EYA1: variants seen among roughly 807,000 people sequenced by gnomAD.
EYA1 encodes the protein EYA transcriptional coactivator and phosphatase 1, also known as protein phosphatase EYA1.
A neutral mutation model predicts 82.0 loss-of-function variants in EYA1; 16 were observed. The observed-to-expected ratio is 0.20, with a 90% CI of 0.13 to 0.30. The LOEUF (loss-of-function observed/expected upper bound fraction) is 0.30, where lower values mean the gene tolerates loss of function less well. Ranked by LOEUF, EYA1 falls within the 10% of genes least tolerant of loss-of-function variation. The probability of loss-of-function intolerance (pLI) is 1.00; values close to 1 mark genes in which losing one functional copy is unlikely to be tolerated. For missense variants in EYA1, 633 were observed against 730.7 expected (o/e 0.87, Z 1.54); for synonymous variants, 261 against 264.4 (o/e 0.99, Z 0.12).
At chr8:71,397,207 A>G (rs1487267695) in intron 2 of EYA1, among the ~76,000 whole-genome samples, 6 of 152,146 alleles carry the variant, frequency 3.9e-5, no homozygotes, top group Admixed American at 2.0e-4. Flanking sequence ...GGGTTTCCTG[A>G]ATACAGCACA....
chr8:71,265,444 G>C (rs1041371127), intron 11 of EYA1, among the ~76,000 whole-genome samples: 1 of 152,108 alleles, frequency 6.6e-6, no homozygotes, highest in African/African-American at 2.4e-5. Flanking sequence ...TTTGTTTTTT[G>C]TTGAAAATGA....
upstream of EYA1, among the ~76,000 whole-genome samples, chr8:71,367,136 T>C (rs1827806268): frequency 6.6e-6 from 1 of 152,158 alleles, no homozygotes; most frequent in Admixed American, 6.5e-5. Flanking sequence ...AGGTTAATTA[T>C]TTTCCTAGAG....
At chr8:71,515,303 G>A (rs1352263931) in intron 2 of EYA1, among the ~76,000 whole-genome samples, 1 of 152,060 alleles carries the variant, frequency 6.6e-6, no homozygotes, top group Non-Finnish European at 1.5e-5. Context: ...AGGAATCCAA[G>A]TCATATGATC....
intron 2 of EYA1, among the ~76,000 whole-genome samples, chr8:71,427,866 A>AAAAATTAGCCTGGTGTGGTGG: frequency 6.6e-6 from 1 of 152,076 alleles, no homozygotes; most frequent in East Asian, 1.9e-4. Context: ...ACAAAAAATA[A>AAAAATTAGCCTGGTGTGGTGG]AAAATTAGCC....
chr8:71,458,834 T>C (rs1808153261), intron 2 of EYA1, among the ~76,000 whole-genome samples: 1 of 152,232 alleles, frequency 6.6e-6, no homozygotes, highest in Non-Finnish European at 1.5e-5. Context: ...AACGAGGCAA[T>C]TGGATTCTGC....
intron 2 of EYA1, among the ~76,000 whole-genome samples, chr8:71,388,225 A>G (rs1409828611): frequency 3.3e-5 from 5 of 152,150 alleles, no homozygotes; most frequent in Admixed American, 3.3e-4. Flanking sequence ...AGTGATCCCC[A>G]AGGTCTTATA....
intron 3 of EYA1, among the ~76,000 whole-genome samples, 185 bp downstream of exon 3, chr8:71,354,597 A>G (rs78376349): frequency 1.2e-4 from 18 of 152,352 alleles, no homozygotes; most frequent in African/African-American, 4.1e-4. Flanking sequence ...ACGCAATGTT[A>G]CAATAACTGG....
chr8:71,346,438 A>ATATATATATC (rs1467355062), intron 3 of EYA1, among the ~76,000 whole-genome samples: 1 of 139,008 alleles, frequency 7.2e-6, no homozygotes, highest in Non-Finnish European at 1.5e-5. Flanking sequence ...GTGAATATAT[A>ATATATATATC]TATATATATA....
chr8:71,287,275 A>C (rs1361220917), intron 9 of EYA1, among the ~76,000 whole-genome samples: 2 of 152,232 alleles, frequency 1.3e-5, no homozygotes, highest in African/African-American at 4.8e-5. Flanking sequence ...TCCCACAAAA[A>C]ACTTTTGTAA....
At chr8:71,342,621 A>G (rs1825265181) in intron 3 of EYA1, among the ~76,000 whole-genome samples, 1 of 152,154 alleles carries the variant, frequency 6.6e-6, no homozygotes, top group Non-Finnish European at 1.5e-5. Flanking sequence ...AAAACCTACT[A>G]TGAATTTGTA....
intron 11 of EYA1, among the ~76,000 whole-genome samples, chr8:71,247,482 C>T (rs1455468121): frequency 1.3e-5 from 2 of 152,110 alleles, no homozygotes; most frequent in Non-Finnish European, 2.9e-5. Context: ...AAGAGTTCTG[C>T]TGGGAGGGAC....
chr8:71,520,520 C>G (rs1813318656), intron 2 of EYA1, among the ~76,000 whole-genome samples: 1 of 152,222 alleles, frequency 6.6e-6, no homozygotes, highest in East Asian at 1.9e-4. Context: ...TGCATTCTCA[C>G]AGCTGCTTGA....
chr8:71,473,970 C>T (rs1357940394), intron 2 of EYA1, among the ~76,000 whole-genome samples: 4 of 152,006 alleles, frequency 2.6e-5, no homozygotes, highest in Non-Finnish European at 5.9e-5. Flanking sequence ...AACACTGCAT[C>T]TTCTCACTCA....
At chr8:71,498,064 T>C (rs898815825) in intron 2 of EYA1, among the ~76,000 whole-genome samples, 1 of 151,386 alleles carries the variant, frequency 6.6e-6, no homozygotes, top group Non-Finnish European at 1.5e-5. Flanking sequence ...GAGTGGAGGT[T>C]GCTGGGGGGA....
rs1814663129 is a variant in EYA1, at chr8:71,535,741, TAC to T, written c.33+1_33+2del. The T allele has an allele frequency of 6.6e-7, 1 of 1,519,416 alleles. No individual in the cohort carries two copies. Among genetic ancestry groups the T allele is most frequent in the Non-Finnish European group, 8.8e-7 (1 of 1,136,872 alleles). The allele number at this position is 1,519,416 out of a possible 1,614,324, so 94.1% of individuals were successfully genotyped here. On this transcript the variant is annotated splice_donor_variant, in intron 2 of 18. Coordinates refer to the EYA1 transcript ENST00000643681. LOFTEE classifies it high-confidence loss of function. Reference sequence around the variant, plus strand: ...CCTTAGGACTGACATTCTGTTTACTTACAGACTGTCCATTTATCCCCCGGGGG... The same window carrying T: ...CCTTAGGACTGACATTCTGTTTACTTAGACTGTCCATTTATCCCCCGGGGG...
intron 4 of EYA1, among the ~76,000 whole-genome samples, chr8:71,331,484 A>C (rs886877890): frequency 5.4e-5 from 3 of 55,712 alleles, no homozygotes; most frequent in Non-Finnish European, 6.5e-5. Context: ...AAAAGTATAA[A>C]TGTTTTATAT....
chr8:71,362,577 A>T (rs1379403900), upstream of EYA1, among the ~76,000 whole-genome samples: 1 of 152,180 alleles, frequency 6.6e-6, no homozygotes, highest in East Asian at 1.9e-4. Flanking sequence ...ATTTCCCTTT[A>T]AGTAGAAAAT....
At chr8:71,500,902 G>C (rs1414897905) in intron 2 of EYA1, among the ~76,000 whole-genome samples, 1 of 152,108 alleles carries the variant, frequency 6.6e-6, no homozygotes, top group East Asian at 1.9e-4. Context: ...TTTTAAGTCA[G>C]TCCCCAACTT....
intron 2 of EYA1, among the ~76,000 whole-genome samples, chr8:71,439,227 C>T (rs1806228406): frequency 6.6e-6 from 1 of 152,156 alleles, no homozygotes; most frequent in African/African-American, 2.4e-5. Context: ...AATGCTTGAC[C>T]ACCTAGCCAT....
Sources: gnomAD v4.1 joint callset for allele counts (sites outside exome capture counted in the v4.1 genomes callset) on GRCh38, gnomAD v4.1.1 for gene constraint, MANE v1.5 for transcripts, NCBI Gene and HGNC (gene_info 2026-07-23, HGNC 2026-07-21) for gene names.